The following SIGLEC15 variants were observed in gnomAD, a reference collection of about 807,000 sequenced individuals.
SIGLEC15 encodes the protein sialic acid binding Ig like lectin 15, also known as sialic acid-binding Ig-like lectin 15.
Under a neutral mutation model 26.2 loss-of-function variants are expected in SIGLEC15, and 31 were observed. The ratio of observed to expected loss-of-function variants is 1.18; its 90% CI spans 0.89 to 1.60. SIGLEC15 has a LOEUF of 1.60. Ranked by LOEUF, SIGLEC15 falls within the 40% of genes most tolerant of loss-of-function variation. The pLI is 0.00. For missense variants in SIGLEC15, 501 were observed against 488.4 expected (o/e 1.03, Z -0.24); for synonymous variants, 207 against 221.9 (o/e 0.93, Z 0.60).
intron 1 of SIGLEC15, among the ~76,000 whole-genome samples, chr18:45,835,221 A>AAAGCAAGT (rs1382341343): frequency 6.6e-6 from 1 of 152,228 alleles, no homozygotes; most frequent in Non-Finnish European, 1.5e-5. Context: ...AGCCAAAACA[A>AAAGCAAGT]AAGGGAGATA....
chr18:45,827,848 C>T (rs539326665), intron 1 of SIGLEC15, among the ~76,000 whole-genome samples: 15 of 152,188 alleles, frequency 9.9e-5, no homozygotes, highest in Non-Finnish European at 1.6e-4. Context: ...ATCAGCAAGA[C>T]ACAAAGGATT....
chr18:45,838,790 A>G lies in SIGLEC15; in HGVS notation c.569A>G (p.Glu190Gly). 1.9e-6 allele frequency: 3 copies of G among 1,563,802 alleles called. No homozygotes were observed. Among genetic ancestry groups the G allele is most frequent in the Non-Finnish European group, 2.6e-6 (3 of 1,162,212 alleles). ...AHAFRALCTA[E>G]GEPPPALAWS... ...GCCTTCCGCGCGCTCTGCACTGCCG[A>G]AGGGGAGCCGCCGCCCGCCCTCGCC... Residue 190 changes from glutamate to glycine, a missense_variant, in exon 4 of 6, where the codon GAA becomes GGA. Physicochemically the swap from Glu to Gly is moderately conservative, Grantham distance 98. Coordinates refer to ENST00000389474, the MANE Select transcript of SIGLEC15 (RefSeq NM_213602.3).
chr18:45,830,148 C>T (rs568573301), intron 1 of SIGLEC15, among the ~76,000 whole-genome samples: 4 of 152,356 alleles, frequency 2.6e-5, no homozygotes, highest in Non-Finnish European at 5.9e-5. Context: ...CAGAGGTTCC[C>T]GTGCAAATTC....
At chr18:45,825,823 T>C (rs2048180686) in intron 1 of SIGLEC15, 43 bp downstream of exon 1, 3 of 1,610,518 alleles carry the variant, frequency 1.9e-6, no homozygotes, top group Non-Finnish European at 2.5e-6. Context: ...CGGGACAGAA[T>C]AGATGCTGAA....
chr18:45,828,404 T>TCC (rs143761158), intron 1 of SIGLEC15, among the ~76,000 whole-genome samples: 11 of 151,798 alleles, frequency 7.2e-5, no homozygotes, highest in African/African-American at 2.7e-4. Context: ...CTCCTCCATC[T>TCC]CCCCCCATAT....
At chr18:45,834,958 G>A (rs142461706) in intron 1 of SIGLEC15, among the ~76,000 whole-genome samples, 1 of 152,256 alleles carries the variant, frequency 6.6e-6, no homozygotes, top group African/African-American at 2.4e-5. Flanking sequence ...CAATCCTTCA[G>A]ACAGGGTTTC....
Position 45,837,620 on chromosome 18 carries a change from G to C in SIGLEC15, c.220G>C (p.Asp74His). 1.3e-6 allele frequency: 2 copies of C among 1,508,848 alleles called. No individual in the cohort carries two copies. The highest frequency in any genetic ancestry group is 1.8e-6 in the Non-Finnish European group (2 of 1,136,370). The allele number at this position is 1,508,848 out of a possible 1,614,324, so 93.5% of individuals were successfully genotyped here. ...CTTCACGCACCCGCACCGCCACTAC[G>C]ACGGGCCGCTGACGGCCATCTGGCG... ...CTFTHPHRHY[D>H]GPLTAIWRAG... is the part of the protein sequence containing the mutation. The change falls in exon 3 of 6, where the codon GAC (aspartate) becomes CAC (histidine). Residue 74 changes from aspartate (D) to histidine (H), a missense_variant. By Grantham distance (81) the Asp-to-His change is moderately conservative. Coordinates refer to ENST00000389474, the MANE Select transcript of SIGLEC15 (RefSeq NM_213602.3).
chr18:45,833,918 G>GAA (rs146994859), intron 1 of SIGLEC15, among the ~76,000 whole-genome samples: 3,159 of 152,090 alleles, frequency 0.021, 105 homozygotes, highest in African/African-American at 0.072. Flanking sequence ...AGGAAATATG[G>GAA]AAAAAAACCC....
intron 1 of SIGLEC15, among the ~76,000 whole-genome samples, chr18:45,829,529 G>T (rs1416973859): frequency 2.0e-5 from 3 of 152,174 alleles, no homozygotes; most frequent in Non-Finnish European, 4.4e-5. Context: ...CATACCTACA[G>T]GTGAGGTCGA....
At chr18:45,839,968 G>A (rs2048311009) in intron 4 of SIGLEC15, among the ~76,000 whole-genome samples, 1 of 152,162 alleles carries the variant, frequency 6.6e-6, no homozygotes, top group East Asian at 1.9e-4. Flanking sequence ...CTCATCAAGT[G>A]TTTTGTGCTC....
intron 1 of SIGLEC15, among the ~76,000 whole-genome samples, chr18:45,832,246 T>C (rs1483703504): frequency 6.6e-6 from 1 of 152,182 alleles, no homozygotes; most frequent in Non-Finnish European, 1.5e-5. Context: ...CAGAGGACCC[T>C]GAGACCCGGG....
intron 5 of SIGLEC15, among the ~76,000 whole-genome samples, chr18:45,841,574 C>T (rs1568082763): frequency 1.3e-5 from 2 of 151,736 alleles, no homozygotes; most frequent in African/African-American, 2.4e-5. Context: ...GCAGGGGTGG[C>T]GGTGGGGAAG....
chr18:45,833,322 AT>A (rs1293178331), intron 1 of SIGLEC15, among the ~76,000 whole-genome samples: 1 of 151,906 alleles, frequency 6.6e-6, no homozygotes, highest in Non-Finnish European at 1.5e-5. Flanking sequence ...TTATTTTATT[AT>A]TATTATTATT....
chr18:45,841,990 C>T (rs1018450618), intron 5 of SIGLEC15, 116 bp from the exon 6 acceptor site: 6 of 968,560 alleles, frequency 6.2e-6, no homozygotes, highest in Non-Finnish European at 9.8e-6. Flanking sequence ...CTGCCGGTTC[C>T]AGCCGCACTG....
intron 5 of SIGLEC15, among the ~76,000 whole-genome samples, chr18:45,841,430 T>C (rs1327848319): frequency 6.6e-6 from 1 of 151,822 alleles, no homozygotes; most frequent in Non-Finnish European, 1.5e-5. Flanking sequence ...GGCGTGGGGG[T>C]TATTGTGGGT....
chr18:45,836,314 T>G (rs1225891808), intron 1 of SIGLEC15, among the ~76,000 whole-genome samples: 1 of 152,142 alleles, frequency 6.6e-6, no homozygotes, highest in African/African-American at 2.4e-5. Flanking sequence ...ACATGGTATC[T>G]ATGAAAGCAC....
At chr18:45,839,377 G>T (rs1027187165) in intron 4 of SIGLEC15, among the ~76,000 whole-genome samples, 6 of 152,198 alleles carry the variant, frequency 3.9e-5, no homozygotes, top group Non-Finnish European at 8.8e-5. Context: ...CTCTAGAGCC[G>T]TCCCTTTGCT....
chr18:45,836,902 G>A (rs903233999), intron 1 of SIGLEC15, 127 bp from the exon 2 acceptor site: 29 of 644,634 alleles, frequency 4.5e-5, no homozygotes, highest in Non-Finnish European at 7.2e-5. Flanking sequence ...CTAGAATGCA[G>A]GCTGTAGAGT....
intron 2 of SIGLEC15, 45 bp from the exon 3 acceptor site, chr18:45,837,468 T>C: frequency 7.0e-7 from 1 of 1,430,914 alleles, no homozygotes; most frequent in Non-Finnish European, 9.1e-7. Context: ...TGCGGGCGCC[T>C]CGACCCCAGG....
Sources: allele counts gnomAD v4.1 joint callset (sites outside exome capture counted in the v4.1 genomes callset), GRCh38; gene constraint gnomAD v4.1.1; transcripts MANE v1.5; gene names NCBI Gene and HGNC (gene_info 2026-07-23, HGNC 2026-07-21).